ITPKB: variants seen among roughly 807,000 people sequenced by gnomAD.
ITPKB encodes IP3 3-kinase B.
In ITPKB, 13 loss-of-function variants were observed where a neutral mutation model predicts 69.4. That is an observed-to-expected ratio of 0.19 (90% CI 0.12 to 0.30). ITPKB has a LOEUF of 0.30. Ranked by LOEUF, ITPKB falls within the 10% of genes least tolerant of loss-of-function variation. The probability of loss-of-function intolerance (pLI) is 1.00; values close to 1 mark genes in which losing one functional copy is unlikely to be tolerated. For missense variants in ITPKB, 1,240 were observed against 1,250.5 expected (o/e 0.99, Z 0.13); for synonymous variants, 584 against 513.7 (o/e 1.14, Z -1.85).
intron 2 of ITPKB, among the ~76,000 whole-genome samples, chr1:226,653,632 T>A (rs1197117619): frequency 1.3e-5 from 2 of 152,258 alleles, no homozygotes; most frequent in Non-Finnish European, 2.9e-5. Context: ...AGTTCTGCAC[T>A]TGTGATGTTC....
intron 2 of ITPKB, among the ~76,000 whole-genome samples, chr1:226,690,046 T>C (rs1656311713): frequency 1.3e-5 from 2 of 152,232 alleles, no homozygotes; most frequent in Admixed American, 6.5e-5. Flanking sequence ...TTCCATGTCT[T>C]TGCCATTATG....
At chr1:226,648,238 C>T (rs949165912) in intron 3 of ITPKB, among the ~76,000 whole-genome samples, 9 of 152,196 alleles carry the variant, frequency 5.9e-5, no homozygotes, top group Admixed American at 1.3e-4. Context: ...CCATTAATGC[C>T]GCAACCCCCA....
rs774726662 is a variant in ITPKB, at chr1:226,642,143, C to A, written c.2247-18G>T. On this transcript the variant is annotated intron_variant, in intron 4 of 7. Coordinates refer to ENST00000429204, the MANE Select transcript of ITPKB (RefSeq NM_002221.4). This position sits in a 1 kb window ranked among gnomAD's most constrained non-coding sequence, Gnocchi z 6.4. ...GGTAGGTCCTACGTGGGAGGGAAGG[C>A]GACATGAGGGCCGAGGCCTGGGGCA... 1 of 1,604,888 alleles carries A rather than the reference C, an allele frequency of 6.2e-7. No individual in the cohort carries two copies. Among genetic ancestry groups the A allele is most frequent in the Non-Finnish European group, 8.5e-7 (1 of 1,174,660 alleles).
chr1:226,634,044 T>C lies in ITPKB; in HGVS notation c.*627A>G, dbSNP rs1175875104. The C allele has an allele frequency of 6.6e-6, 1 of 152,494 alleles. No homozygotes were observed. The highest frequency in any genetic ancestry group is 1.5e-5 in the Non-Finnish European group (1 of 68,284). The allele number at this position is 152,494 out of a possible 1,614,324, so 9.4% of individuals were successfully genotyped here. A position where few individuals can be genotyped will look rare whatever the true frequency, so the allele number is the denominator to read the frequency against. On this transcript the variant is annotated 3_prime_UTR_variant, in exon 8 of 8. Coordinates refer to ENST00000429204, the MANE Select transcript of ITPKB (RefSeq NM_002221.4). The surrounding 1 kb of genome is among the most constrained non-coding windows in gnomAD (Gnocchi z 6.3). ...GGGTCTGGCCTGGAGCCGGCAGGTT[T>C]CCATACCAGATGGGTGGGGGGCCTT...
In ITPKB at chr1:226,649,738, A is replaced by AGGT. The variant is rs1669149680; in HGVS notation, c.1933-970_1933-968dup. Among the ~76,000 whole-genome samples the AGGT allele has an allele frequency of 2.0e-5, 3 of 152,318 alleles. No individual in the cohort carries two copies. The Middle Eastern group carries it at 0.01, about 518-fold the overall frequency. ...ATCTGGTGGAGCCTGAGCCTCAGAG[A>AGGT]GGTAAATGACGAAGCTGGGATTTAA... On this transcript the variant is annotated intron_variant, in intron 2 of 7. Coordinates refer to ENST00000429204, the MANE Select transcript of ITPKB (RefSeq NM_002221.4).
chr1:226,645,788 T>G (rs1405112739), intron 4 of ITPKB, among the ~76,000 whole-genome samples: 1 of 152,130 alleles, frequency 6.6e-6, no homozygotes, highest in Non-Finnish European at 1.5e-5. Flanking sequence ...CCCAGGTCCC[T>G]GTGGGCTAAA....
rs151274983 is a variant in ITPKB at position 226,648,016 on chromosome 1, A to C, written c.2033-636T>G. On this transcript the variant is annotated intron_variant, in intron 3 of 7. Transcript: ENST00000429204. ...AGGCCAAGTCCACAGGCAGCCCCTG[A>C]CATGTCTCCAGATGACAGTGCTTCC... is the stretch of plus-strand genomic sequence containing the variant. 7.6e-3 allele frequency among the ~76,000 whole-genome samples: 1,158 copies of C among 152,328 alleles called. 13 individuals carry two copies. The highest frequency in any genetic ancestry group is 0.026 in the African/African-American group (1,100 of 41,552).
intron 2 of ITPKB, among the ~76,000 whole-genome samples, chr1:226,680,691 T>G (rs958678219): frequency 6.6e-6 from 1 of 152,190 alleles, no homozygotes; most frequent in Non-Finnish European, 1.5e-5. Context: ...TCAGCCCAGT[T>G]GGGATGCAAC....
chr1:226,642,375 G>GC lies in ITPKB; in HGVS notation c.2247-251dup. ...GTAGATAAGGGAGTCTCGCTATGTTGCCCCGGCTGGTCTCAAACTTCTAGC... is the reference window on the plus strand; with the variant it reads ...GTAGATAAGGGAGTCTCGCTATGTTGCCCCCGGCTGGTCTCAAACTTCTAGC... On this transcript the variant is annotated intron_variant, in intron 4 of 7. Coordinates refer to ENST00000429204, the MANE Select transcript of ITPKB (RefSeq NM_002221.4). This position sits in a 1 kb window ranked among gnomAD's most constrained non-coding sequence, Gnocchi z 6.4. 6.6e-6 allele frequency among the ~76,000 whole-genome samples: 1 copy of GC among 151,720 alleles called. No homozygotes were observed. The highest frequency in any genetic ancestry group is 3.4e-3 in the Middle Eastern group (1 of 294).
chr1:226,691,807 G>A (rs2102781479), intron 2 of ITPKB, among the ~76,000 whole-genome samples: 1 of 152,304 alleles, frequency 6.6e-6, no homozygotes, highest in East Asian at 1.9e-4. Context: ...ATGTCATTGT[G>A]ATGGATTCAA....
intron 2 of ITPKB, among the ~76,000 whole-genome samples, chr1:226,661,269 A>G (rs1418689023): frequency 2.6e-5 from 4 of 152,178 alleles, no homozygotes; most frequent in African/African-American, 9.6e-5. Flanking sequence ...GAGCTGTTCT[A>G]GTGCCAGTTC....
rs150804526 is a variant in ITPKB, at chr1:226,637,786, G to T, written c.2554-36C>A. The T allele has an allele frequency of 6.6e-7, 1 of 1,520,710 alleles. No homozygotes were observed. The highest frequency in any genetic ancestry group is 9.1e-7 in the Non-Finnish European group (1 of 1,098,078). The allele number at this position is 1,520,710 out of a possible 1,614,324, so 94.2% of individuals were successfully genotyped here. A position where few individuals can be genotyped will look rare whatever the true frequency, so the allele number is the denominator to read the frequency against. On this transcript the variant is annotated intron_variant, in intron 6 of 7. Coordinates refer to ENST00000429204, the MANE Select transcript of ITPKB (RefSeq NM_002221.4). The surrounding 1 kb of genome is among the most constrained non-coding windows in gnomAD (Gnocchi z 4.3). The stretch of plus-strand genomic sequence containing the variant: ...AAAGAGGACCAGATTTTTAAGCGCC[G>T]CGTGGGGAAGGGCAGTGTCAGAACA...
intron 2 of ITPKB, among the ~76,000 whole-genome samples, chr1:226,682,380 G>A (rs1656113132): frequency 6.6e-6 from 1 of 152,198 alleles, no homozygotes; most frequent in African/African-American, 2.4e-5. Flanking sequence ...AGGGACTTCT[G>A]TGTACTGGCA....
rs373407978 is a variant in ITPKB at position 226,634,646 on chromosome 1, G to A, written c.*25C>T. 4.8e-5 allele frequency: 37 copies of A among 769,862 alleles called. No homozygotes were observed. The highest frequency in any genetic ancestry group is 2.2e-4 in the Admixed American group (13 of 58,232). The allele number at this position is 769,862 out of a possible 1,614,324, so 47.7% of individuals were successfully genotyped here. A position where few individuals can be genotyped will look rare whatever the true frequency, so the allele number is the denominator to read the frequency against. ...CAGGAGGAGGAAAGGAGGCCCAGGCGGGGGCCAGGGAGGGCGTGGGCAGCT... is the reference window on the plus strand; with the variant it reads ...CAGGAGGAGGAAAGGAGGCCCAGGCAGGGGCCAGGGAGGGCGTGGGCAGCT... On this transcript the variant is annotated 3_prime_UTR_variant, in exon 8 of 8. Coordinates refer to ENST00000429204, the MANE Select transcript of ITPKB (RefSeq NM_002221.4). The surrounding 1 kb of genome is among the most constrained non-coding windows in gnomAD (Gnocchi z 6.3).
chr1:226,657,433 T>C (rs528593660), intron 2 of ITPKB, among the ~76,000 whole-genome samples: 239 of 152,364 alleles, frequency 1.6e-3, no homozygotes, highest in Non-Finnish European at 2.8e-3. Context: ...ATTTAAATAG[T>C]TTGATCACTT....
At chr1:226,657,442 T>C (rs79939678) in intron 2 of ITPKB, among the ~76,000 whole-genome samples, 4,091 of 152,328 alleles carry the variant, frequency 0.027, 195 homozygotes, top group African/African-American at 0.094. Context: ...GTTTGATCAC[T>C]TGGCTTTTAT....
At chr1:226,649,552 GAT>G (rs1367729954) in intron 2 of ITPKB, among the ~76,000 whole-genome samples, 1 of 151,350 alleles carries the variant, frequency 6.6e-6, no homozygotes, top group Non-Finnish European at 1.5e-5. Flanking sequence ...ATGCGTGTGT[GAT>G]ATGCACATAT....
chr1:226,721,348 C>CAAAAAAAAAA (rs11353595), intron 2 of ITPKB, among the ~76,000 whole-genome samples: 2 of 64,654 alleles, frequency 3.1e-5, no homozygotes, highest in Admixed American at 1.6e-4. Flanking sequence ...AACTCTGTCT[C>CAAAAAAAAAA]AAAAAAAAAA....
chr1:226,726,321 T>C (rs1290626549), intron 2 of ITPKB, among the ~76,000 whole-genome samples: 7 of 152,144 alleles, frequency 4.6e-5, no homozygotes, highest in Admixed American at 2.0e-4. Context: ...TTAATGAGTG[T>C]TTAATGCTGT....
Sources: allele counts gnomAD v4.1 joint callset (sites outside exome capture counted in the v4.1 genomes callset), GRCh38; gene constraint gnomAD v4.1.1; non-coding constraint Gnocchi (gnomAD v3.1); transcripts MANE v1.5; gene names NCBI Gene and HGNC (gene_info 2026-07-23, HGNC 2026-07-21).